Variants in TIAM2 observed in about 807,000 individuals in gnomAD.
TIAM2 encodes the protein TIAM Rac1 associated GEF 2.
In TIAM2, 80 loss-of-function variants were observed where a neutral mutation model predicts 152.9. The ratio of observed to expected loss-of-function variants is 0.52; its 90% CI spans 0.44 to 0.63. The LOEUF (loss-of-function observed/expected upper bound fraction) is 0.63. Among genes scored for constraint, TIAM2 ranks in the 30% least tolerant of loss-of-function variants. The pLI is 0.00. For synonymous variants in TIAM2, 804 were observed against 838.0 expected, an observed-to-expected ratio of 0.96 and a Z score of 0.70; for missense variants, 1,965 against 2,120.1, an observed-to-expected ratio of 0.93 and a Z score of 1.44.
intron 1 of TIAM2, among the ~76,000 whole-genome samples, chr6:155,036,367 A>G (rs1400445844): frequency 6.6e-6 from 1 of 151,846 alleles, no homozygotes; most frequent in Non-Finnish European, 1.5e-5. Flanking sequence ...CCCTGTCTCT[A>G]CCAAAAATAC....
intron 7 of TIAM2, among the ~76,000 whole-genome samples, chr6:155,155,205 C>G (rs1010735519): frequency 2.6e-5 from 4 of 151,344 alleles, no homozygotes; most frequent in African/African-American, 9.7e-5. Context: ...AAGGCAGAGT[C>G]TTGCTGTGTT....
chr6:155,150,506 CTG>C (rs1779928858), intron 7 of TIAM2, among the ~76,000 whole-genome samples: 1 of 152,124 alleles, frequency 6.6e-6, no homozygotes, highest in Non-Finnish European at 1.5e-5. Context: ...TTGGAAGTGA[CTG>C]AGTGGTGGCT....
At chr6:155,061,110 TG>T (rs1325667766) in intron 1 of TIAM2, among the ~76,000 whole-genome samples, 2 of 152,212 alleles carry the variant, frequency 1.3e-5, no homozygotes, top group Non-Finnish European at 2.9e-5. Context: ...CCGTTGCTAT[TG>T]GAGTGTTACT....
At chr6:155,023,764 A>G (rs1158205571) in intron 1 of TIAM2, among the ~76,000 whole-genome samples, 2 of 152,126 alleles carry the variant, frequency 1.3e-5, no homozygotes, top group African/African-American at 4.8e-5. Context: ...TGTTCATCGT[A>G]TATAGAAGTC....
intron 2 of TIAM2, among the ~76,000 whole-genome samples, chr6:155,099,220 ATG>A (rs34269926): frequency 0.23 from 33,622 of 148,090 alleles, 4,013 homozygotes; most frequent in Admixed American, 0.3. Context: ...GTATATATAT[ATG>A]TGTGTGTGTG....
In TIAM2 at chr6:155,116,472, T is replaced by G. The variant is rs145164142; in HGVS notation, c.-117-11018T>G. On this transcript the variant is annotated intron_variant, in intron 2 of 26. Transcript: ENST00000682666. ...AAGGTGGGGAAAGCACCCATTTAGA[T>G]GAGGGGAAAAAAATATGTGGTTTAA... is the stretch of plus-strand genomic sequence containing the variant. Among the ~76,000 whole-genome samples the G allele has an allele frequency of 3.9e-5, 6 of 152,266 alleles. No homozygotes were observed. The East Asian group carries it at 1.2e-3, about 29-fold the overall frequency.
chr6:155,193,669 T>G (rs1253651467), intron 14 of TIAM2, among the ~76,000 whole-genome samples: 1 of 152,182 alleles, frequency 6.6e-6, no homozygotes, highest in Non-Finnish European at 1.5e-5. Flanking sequence ...CGATTGTGCT[T>G]GGGTATGCAG....
chr6:155,172,448 A>G (rs938627870), intron 9 of TIAM2, among the ~76,000 whole-genome samples: 3 of 151,578 alleles, frequency 2.0e-5, no homozygotes, highest in African/African-American at 7.3e-5. Flanking sequence ...AATTCCTCCC[A>G]TCAGTCTCCT....
intron 2 of TIAM2, among the ~76,000 whole-genome samples, chr6:155,092,641 A>T (rs1484186234): frequency 1.3e-5 from 2 of 152,042 alleles, no homozygotes; most frequent in Non-Finnish European, 2.9e-5. Context: ...GGATCACCTG[A>T]GGTCGGGAGT....
intron 6 of TIAM2, among the ~76,000 whole-genome samples, chr6:155,145,283 T>G (rs1288535316): frequency 6.6e-6 from 1 of 152,164 alleles, no homozygotes; most frequent in Admixed American, 6.5e-5. Flanking sequence ...TTATCTACTG[T>G]TAGAATTTTC....
At chr6:155,209,205 C>G (rs1009474553) in intron 14 of TIAM2, among the ~76,000 whole-genome samples, 4 of 152,014 alleles carry the variant, frequency 2.6e-5, no homozygotes, top group African/African-American at 9.6e-5. Flanking sequence ...AACTGCCTCT[C>G]CCCAGATTAG....
At chr6:155,135,329 A>G (rs141878764) in intron 4 of TIAM2, among the ~76,000 whole-genome samples, 84 of 152,326 alleles carry the variant, frequency 5.5e-4, no homozygotes, top group African/African-American at 1.9e-3. Context: ...TCTCTATACA[A>G]TGTAATATTC....
At chr6:155,199,787 C>A (rs1781436565) in intron 14 of TIAM2, among the ~76,000 whole-genome samples, 2 of 152,294 alleles carry the variant, frequency 1.3e-5, no homozygotes, top group South Asian at 4.1e-4. Context: ...CGGTAGAGAA[C>A]GTGTTTGTTA....
At chr6:155,231,516 C>T (rs909598074) in intron 15 of TIAM2, among the ~76,000 whole-genome samples, 1 of 152,212 alleles carries the variant, frequency 6.6e-6, no homozygotes, top group South Asian at 2.1e-4. Context: ...TAACTCCCAC[C>T]ACACCCTGCC....
chr6:155,120,255 A>G (rs1428857867), intron 2 of TIAM2, among the ~76,000 whole-genome samples: 3 of 152,240 alleles, frequency 2.0e-5, no homozygotes, highest in Admixed American at 6.5e-5. Flanking sequence ...ATCTGTTAAT[A>G]TGCATTTGGA....
chr6:155,089,706 T>G (rs1033851092), intron 1 of TIAM2, among the ~76,000 whole-genome samples: 2 of 152,190 alleles, frequency 1.3e-5, no homozygotes, highest in Non-Finnish European at 2.9e-5. Context: ...ATCTTCCAAT[T>G]TAATTTAGCC....
At chr6:155,204,262 A>G (rs1239070616) in intron 14 of TIAM2, among the ~76,000 whole-genome samples, 1 of 152,176 alleles carries the variant, frequency 6.6e-6, no homozygotes, top group East Asian at 1.9e-4. Flanking sequence ...TAAAGGAAGT[A>G]CATCCTTTGT....
At chr6:155,072,427 T>C (rs1777858655) in intron 1 of TIAM2, among the ~76,000 whole-genome samples, 1 of 151,980 alleles carries the variant, frequency 6.6e-6, no homozygotes, top group South Asian at 2.1e-4. Context: ...GCCAGAGGAT[T>C]TGATGGCCAT....
In TIAM2 at chr6:155,233,887, C is replaced by T. The variant is rs570575746; in HGVS notation, c.3169-6643C>T. Reference sequence around the variant, plus strand: ...CTGAGGTGGGAGGGTTGCTTAATTTCAGGAGTTTGAGGCTGCAGTGAGCTA... The same window carrying T: ...CTGAGGTGGGAGGGTTGCTTAATTTTAGGAGTTTGAGGCTGCAGTGAGCTA... On this transcript the variant is annotated intron_variant, in intron 15 of 26. Coordinates refer to ENST00000682666, the MANE Select transcript of TIAM2 (RefSeq NM_012454.4). Among the ~76,000 whole-genome samples, 3 of 152,022 alleles carry T rather than the reference C, an allele frequency of 2.0e-5. No individual in the cohort carries two copies. The East Asian group carries it at 5.8e-4, about 30-fold the overall frequency.
Sources: gnomAD v4.1 joint callset for allele counts (sites outside exome capture counted in the v4.1 genomes callset) on GRCh38, gnomAD v4.1.1 for gene constraint, MANE v1.5 for transcripts, NCBI Gene and HGNC (gene_info 2026-07-23, HGNC 2026-07-21) for gene names.